Variants in CD48 observed in about 807,000 individuals in gnomAD.
CD48 encodes the protein CD48 molecule, also known as CD48 antigen.
Under a neutral mutation model 22.0 loss-of-function variants are expected in CD48, and 20 were observed. That is an observed-to-expected ratio of 0.91 (90% confidence interval 0.64 to 1.32). CD48 has a LOEUF of 1.32. Ranked by LOEUF, CD48 falls within the 40% of genes most tolerant of loss-of-function variation. The pLI, the probability that CD48 is intolerant of heterozygous loss-of-function variation, is 0.00. For synonymous variants in CD48, 110 were observed against 110.1 expected, an observed-to-expected ratio of 1.00 and a Z score of 0.01; for missense variants, 307 against 286.5, an observed-to-expected ratio of 1.07 and a Z score of -0.52.
At chr1:160,701,774 G>A (rs369975051) in intron 1 of CD48, among the ~76,000 whole-genome samples, 14 of 152,100 alleles carry the variant, frequency 9.2e-5, no homozygotes, top group Admixed American at 7.2e-4. Context: ...AAATTTCCTC[G>A]GCCTTTCCAA....
intron 1 of CD48, among the ~76,000 whole-genome samples, chr1:160,688,245 A>C (rs1184122578): frequency 1.3e-5 from 2 of 152,174 alleles, no homozygotes; most frequent in Non-Finnish European, 2.9e-5. Context: ...CAGTGACTGT[A>C]ATTAGGCCCG....
At chr1:160,707,608 C>T (rs972161247) in intron 1 of CD48, among the ~76,000 whole-genome samples, 3 of 152,048 alleles carry the variant, frequency 2.0e-5, no homozygotes, top group Non-Finnish European at 2.9e-5. Context: ...TCTCTAGTTT[C>T]GATTTCTTCT....
At chr1:160,705,345 T>A (rs1271566915) in intron 1 of CD48, among the ~76,000 whole-genome samples, 4 of 152,206 alleles carry the variant, frequency 2.6e-5, no homozygotes, top group Non-Finnish European at 5.9e-5. Flanking sequence ...CCCTCATACA[T>A]GTATCCCACT....
chr1:160,705,156 A>G (rs1662752651), intron 1 of CD48, among the ~76,000 whole-genome samples: 1 of 152,190 alleles, frequency 6.6e-6, no homozygotes, highest in Non-Finnish European at 1.5e-5. Flanking sequence ...CTGTGACCCC[A>G]GGGCTTTCAA....
intron 1 of CD48, among the ~76,000 whole-genome samples, chr1:160,701,575 C>T (rs1662631414): frequency 1.3e-5 from 2 of 152,050 alleles, no homozygotes; most frequent in Admixed American, 6.6e-5. Flanking sequence ...AATCCAGGAA[C>T]AAACCTTATA....
rs201349179 is a variant in CD48, at chr1:160,681,191, A to T, written c.652+11T>A. The T allele has an allele frequency of 1.3e-4, 216 of 1,613,936 alleles. No homozygotes were observed. The highest frequency in any genetic ancestry group is 2.3e-4 in the Admixed American group (14 of 59,992). Reference sequence around the variant, plus strand: ...CCTGTGCCCCCCTCAGCTCCCAGGGATCCTTCTTACCCAGGGTACAGGGTG... The same window carrying T: ...CCTGTGCCCCCCTCAGCTCCCAGGGTTCCTTCTTACCCAGGGTACAGGGTG... On this transcript the variant is annotated intron_variant, in intron 3 of 3. Transcript: ENST00000368046.
intron 2 of CD48, chr1:160,684,656 A>C: frequency 4.5e-6 from 6 of 1,339,852 alleles, no homozygotes; most frequent in Non-Finnish European, 5.0e-6. Context: ...TTCAAAGCTT[A>C]GACTCACTAA....
intron 1 of CD48, among the ~76,000 whole-genome samples, chr1:160,696,140 G>A (rs556451214): frequency 2.5e-3 from 376 of 152,284 alleles, no homozygotes; most frequent in African/African-American, 8.6e-3. Context: ...TCCAGCAATG[G>A]AAAAGTGGCT....
intron 1 of CD48, among the ~76,000 whole-genome samples, chr1:160,688,596 T>A (rs1662082501): frequency 1.3e-5 from 2 of 152,204 alleles, no homozygotes; most frequent in Admixed American, 1.3e-4. Context: ...TCTATGTTGA[T>A]ACTGAGAGAG....
chr1:160,710,956 T>C (rs749088102), intron 1 of CD48, among the ~76,000 whole-genome samples: 1 of 152,226 alleles, frequency 6.6e-6, no homozygotes, highest in Non-Finnish European at 1.5e-5. Flanking sequence ...AAGGTTTCAC[T>C]GCTGTTTCTC....
chr1:160,686,148 TG>T (rs1661992417), intron 1 of CD48, among the ~76,000 whole-genome samples: 1 of 151,570 alleles, frequency 6.6e-6, no homozygotes, highest in East Asian at 1.9e-4. Context: ...AAAGTTAGGG[TG>T]GTATATTTAA....
chr1:160,689,878 A>G lies in CD48; in HGVS notation c.83-4689T>C, dbSNP rs1406371464. On this transcript the variant is annotated intron_variant, in intron 1 of 3. Transcript: ENST00000368046. ...CCAGGTTCCTAGGTATTGGTTTGAG[A>G]GTTTTTCCATAACACTGACTTGCCT... is the stretch of plus-strand genomic sequence containing the variant. Among the ~76,000 whole-genome samples the G allele has an allele frequency of 3.3e-5, 5 of 152,126 alleles. No individual in the cohort carries two copies. The South Asian group carries it at 8.3e-4, about 25-fold the overall frequency.
chr1:160,710,083 A>C (rs1457446011), intron 1 of CD48, among the ~76,000 whole-genome samples: 1 of 152,204 alleles, frequency 6.6e-6, no homozygotes, highest in Non-Finnish European at 1.5e-5. Flanking sequence ...CCCAGAGGTA[A>C]GAGAAAACGC....
In CD48 at chr1:160,693,751, A is replaced by T. The variant is rs530920888; in HGVS notation, c.83-8562T>A. Among the ~76,000 whole-genome samples, 168 of 152,336 alleles carry T rather than the reference A, an allele frequency of 1.1e-3. 1 individual carries two copies. Among genetic ancestry groups the T allele is most frequent in the African/African-American group, 4.0e-3 (165 of 41,572 alleles). On this transcript the variant is annotated intron_variant, in intron 1 of 3. Coordinates refer to ENST00000368046, the MANE Select transcript of CD48 (RefSeq NM_001778.4). ...GCTAGTCAATGTCGTTCCAAATTTG[A>T]TAAAAATGGGCAACCATTGTCGGGA...
rs537917603 is a variant in CD48, at chr1:160,684,979, T to C, written c.293A>G (p.Lys98Arg). 24 of 1,614,178 alleles carry C rather than the reference T, an allele frequency of 1.5e-5. No homozygotes were observed. The South Asian group carries it at 2.3e-4, about 16-fold the overall frequency. ...GGTGCTGTTGTCCTCTTTCTGGACC[T>C]TAGAGATGTACAGTGCGCCACTCTG... ...DPQSGALYISKVQKEDNSTYI... is the reference protein window; with the variant it reads ...DPQSGALYISRVQKEDNSTYI... The change falls in exon 2 of 4, where the codon AAG (lysine) becomes AGG (arginine). Residue 98 changes from lysine (K) to arginine (R), a missense_variant. By Grantham distance (26) the Lys-to-Arg change is conservative (BLOSUM62 2). Transcript: ENST00000368046.
intron 1 of CD48, among the ~76,000 whole-genome samples, chr1:160,689,209 G>C (rs867396079): frequency 3.9e-5 from 6 of 152,202 alleles, no homozygotes; most frequent in African/African-American, 4.8e-5. Context: ...GGCACAGAGG[G>C]GGGTATTTAT....
chr1:160,681,015 T>C, intron 3 of CD48, 187 bp downstream of exon 3: 13 of 1,461,772 alleles, frequency 8.9e-6, no homozygotes, highest in Non-Finnish European at 1.2e-5. Context: ...CCCACGAAGT[T>C]GAGGTAAGCT....
chr1:160,689,711 C>T (rs1217307571), intron 1 of CD48, among the ~76,000 whole-genome samples: 1 of 152,200 alleles, frequency 6.6e-6, no homozygotes, highest in Non-Finnish European at 1.5e-5. Flanking sequence ...TGAAGGCAAT[C>T]TCTGACACAG....
At chr1:160,680,551 A>T in intron 3 of CD48, 1 of 989,842 alleles carries the variant, frequency 1.0e-6, no homozygotes, top group Non-Finnish European at 1.2e-6. Flanking sequence ...CCATGGCCTT[A>T]GCTGTCCCAT....
Sources: gnomAD v4.1 joint callset for allele counts (sites outside exome capture counted in the v4.1 genomes callset) on GRCh38, gnomAD v4.1.1 for gene constraint, MANE v1.5 for transcripts, NCBI Gene and HGNC (gene_info 2026-07-23, HGNC 2026-07-21) for gene names.